Variants in GPM6A observed in about 807,000 individuals in gnomAD.
The protein encoded by GPM6A is neuronal membrane glycoprotein M6-a.
In GPM6A, 7 loss-of-function variants were observed where a neutral mutation model predicts 32.1. The observed-to-expected ratio is 0.22, with a 90% CI of 0.12 to 0.41. The LOEUF (loss-of-function observed/expected upper bound fraction) is 0.41. Ranked by LOEUF, GPM6A falls within the 10% of genes least tolerant of loss-of-function variation. The probability of loss-of-function intolerance (pLI) is 1.00; values close to 1 mark genes in which losing one functional copy is unlikely to be tolerated. For missense variants in GPM6A, 235 were observed against 347.2 expected (o/e 0.68, Z 2.57); for synonymous variants, 130 against 123.4 (o/e 1.05, Z -0.35).
intron 1 of GPM6A, among the ~76,000 whole-genome samples, chr4:175,883,693 T>TA (rs373550243): frequency 6.6e-6 from 1 of 152,150 alleles, no homozygotes; most frequent in Admixed American, 6.5e-5. Flanking sequence ...ATCTTTTTTT[T>TA]AGAACAATAG....
chr4:175,718,230 T>G (rs3113479), intron 1 of GPM6A, among the ~76,000 whole-genome samples: 9,020 of 152,200 alleles, frequency 0.059, 424 homozygotes, highest in East Asian at 0.28. Flanking sequence ...AATTAACTAA[T>G]CAAAAATATT....
chr4:175,762,018 T>C (rs981529461), intron 1 of GPM6A, among the ~76,000 whole-genome samples: 6 of 152,150 alleles, frequency 3.9e-5, no homozygotes, highest in African/African-American at 1.2e-4. Context: ...GGTCTCGAAC[T>C]CTTGACCTCA....
intron 1 of GPM6A, among the ~76,000 whole-genome samples, chr4:175,970,685 G>A (rs142176688): frequency 1.4e-4 from 21 of 152,164 alleles, no homozygotes; most frequent in African/African-American, 4.6e-4. Flanking sequence ...AAGGGAGAAG[G>A]GAATTGAAGC....
intron 1 of GPM6A, among the ~76,000 whole-genome samples, chr4:175,766,962 ACTCTTTACCT>A (rs1343237143): frequency 3.3e-5 from 5 of 151,402 alleles, no homozygotes; most frequent in Non-Finnish European, 7.4e-5. Context: ...GCCTCCACTT[ACTCTTTACCT>A]CTGAGTTTCC....
chr4:175,685,380 T>G (rs1382503104), intron 2 of GPM6A, among the ~76,000 whole-genome samples: 2 of 152,170 alleles, frequency 1.3e-5, no homozygotes, highest in Admixed American at 1.3e-4. Context: ...CTTTGAGGAG[T>G]GTTTCACAGC....
chr4:175,983,803 T>C (rs57335050), intron 1 of GPM6A, among the ~76,000 whole-genome samples: 7,838 of 152,250 alleles, frequency 0.051, 669 homozygotes, highest in African/African-American at 0.17. Flanking sequence ...GGGTTGGGAA[T>C]GATTTTCGTT....
intron 1 of GPM6A, among the ~76,000 whole-genome samples, chr4:175,889,449 C>A (rs185055356): frequency 6.6e-6 from 1 of 151,486 alleles, no homozygotes; most frequent in East Asian, 1.9e-4. Context: ...GACTTGAGTT[C>A]AGTAGGTCAC....
chr4:175,760,984 A>G (rs994300220), intron 1 of GPM6A, among the ~76,000 whole-genome samples: 1 of 152,148 alleles, frequency 6.6e-6, no homozygotes, highest in African/African-American at 2.4e-5. Flanking sequence ...CTTTTTATTT[A>G]TTGTTTTATG....
intron 1 of GPM6A, among the ~76,000 whole-genome samples, chr4:175,957,260 A>T (rs1740016409): frequency 6.6e-6 from 1 of 152,200 alleles, no homozygotes; most frequent in Admixed American, 6.5e-5. Context: ...CACTTACTGA[A>T]CAAAAATTCT....
intron 1 of GPM6A, among the ~76,000 whole-genome samples, chr4:175,914,147 G>C (rs991887169): frequency 6.8e-6 from 1 of 147,734 alleles, no homozygotes; most frequent in Non-Finnish European, 1.5e-5. Context: ...AAGAGAAAAG[G>C]AAAAAAAAAT....
chr4:175,963,456 T>A (rs990994631), intron 1 of GPM6A, among the ~76,000 whole-genome samples: 2 of 152,086 alleles, frequency 1.3e-5, no homozygotes, highest in Non-Finnish European at 2.9e-5. Flanking sequence ...AAAATAATGA[T>A]ATCAGACTTC....
rs1740591553 is a variant in GPM6A at position 175,974,208 on chromosome 4, A to G, written c.-23+28101T>C. Among the ~76,000 whole-genome samples, 3 of 152,102 alleles carry G rather than the reference A, an allele frequency of 2.0e-5. No individual in the cohort carries two copies. The South Asian group carries it at 6.2e-4, about 32-fold the overall frequency. ...TCATGCTACTGCACTCCAGCCTGGG[A>G]GACAGAGTGAGACTTTGTCTCTAAA... On this transcript the variant is annotated intron_variant, in intron 1 of 7. Transcript: ENST00000280187.
At chr4:176,002,321 G>A in exon 1 of GPM6A, 2 of 1,593,782 alleles carry the variant, frequency 1.3e-6, no homozygotes, top group Non-Finnish European at 1.7e-6. Flanking sequence ...ATGGCCCGAG[G>A]TCCTGCTTCT....
At chr4:175,912,961 T>A (rs1221814008) in intron 1 of GPM6A, among the ~76,000 whole-genome samples, 1 of 152,228 alleles carries the variant, frequency 6.6e-6, no homozygotes, top group Non-Finnish European at 1.5e-5. Context: ...ACCATATAAT[T>A]TTTTAATTGC....
intron 1 of GPM6A, among the ~76,000 whole-genome samples, chr4:175,753,008 C>A (rs908898960): frequency 6.6e-6 from 1 of 152,122 alleles, no homozygotes; most frequent in Non-Finnish European, 1.5e-5. Context: ...TATTCCCATG[C>A]GCTGAAACAT....
At chr4:175,859,657 A>C (rs1736515797) in intron 1 of GPM6A, among the ~76,000 whole-genome samples, 1 of 151,948 alleles carries the variant, frequency 6.6e-6, no homozygotes, top group African/African-American at 2.4e-5. Flanking sequence ...TTCTCTCCCC[A>C]CTCCCCACTC....
At chr4:175,723,607 T>C (rs1275337802) in intron 1 of GPM6A, among the ~76,000 whole-genome samples, 1 of 152,104 alleles carries the variant, frequency 6.6e-6, no homozygotes, top group Non-Finnish European at 1.5e-5. Context: ...CTCATAAACT[T>C]ACTGTGTTTC....
chr4:175,877,891 G>A (rs978442832), intron 1 of GPM6A, among the ~76,000 whole-genome samples: 2 of 152,184 alleles, frequency 1.3e-5, no homozygotes, highest in African/African-American at 4.8e-5. Context: ...CTATGAGCCT[G>A]TAAAATCAAA....
At chr4:175,998,074 C>A (rs1470887747) in intron 1 of GPM6A, among the ~76,000 whole-genome samples, 1 of 151,964 alleles carries the variant, frequency 6.6e-6, no homozygotes, top group Non-Finnish European at 1.5e-5. Flanking sequence ...CTTTTTGTTC[C>A]TGTGTTCTGA....
Sources: allele counts gnomAD v4.1 joint callset (sites outside exome capture counted in the v4.1 genomes callset), GRCh38; gene constraint gnomAD v4.1.1; transcripts MANE v1.5; gene names NCBI Gene and HGNC (gene_info 2026-07-23, HGNC 2026-07-21).